The following ZFHX3 variants were observed in gnomAD, a reference collection of about 807,000 sequenced individuals.
ZFHX3 encodes zinc finger homeobox protein 3.
In ZFHX3, 42 loss-of-function variants were observed where a neutral mutation model predicts 279.1. The observed-to-expected ratio is 0.15, with a 90% CI of 0.12 to 0.19. ZFHX3 has a LOEUF of 0.19. Among genes scored for constraint, ZFHX3 ranks in the 10% least tolerant of loss-of-function variants. The pLI is 1.00. For synonymous variants in ZFHX3, 2,293 were observed against 1,957.8 expected (o/e 1.17, Z -4.52); for missense variants, 4,981 against 4,754.0 (o/e 1.05, Z -1.40).
At chr16:73,478,364 T>C (rs569187252) in intron 2 of ZFHX3, among the ~76,000 whole-genome samples, 9 of 152,112 alleles carry the variant, frequency 5.9e-5, no homozygotes, top group South Asian at 2.1e-4. Flanking sequence ...AAAAGTCTGA[T>C]GCTCTACCAA....
chr16:73,694,220 G>T (rs2053174665), intron 1 of ZFHX3, among the ~76,000 whole-genome samples: 1 of 152,108 alleles, frequency 6.6e-6, no homozygotes, highest in African/African-American at 2.4e-5. Context: ...CTACTGGGGA[G>T]GCTGAGGCAG....
chr16:73,476,017 G>A (rs74028671), intron 2 of ZFHX3, among the ~76,000 whole-genome samples: 144 of 152,198 alleles, frequency 9.5e-4, no homozygotes, highest in African/African-American at 3.1e-3. Context: ...AAAAGAAATC[G>A]TAATTTTGAA....
chr16:73,474,201 G>A (rs2018724888), intron 2 of ZFHX3, among the ~76,000 whole-genome samples: 1 of 152,058 alleles, frequency 6.6e-6, no homozygotes, highest in Non-Finnish European at 1.5e-5. Flanking sequence ...AGGCTGGAGT[G>A]CAGTGGCATG....
In ZFHX3 at chr16:73,536,017, C is replaced by T. The variant is rs537137960; in HGVS notation, c.-1546-79759G>A. 1.2e-4 allele frequency among the ~76,000 whole-genome samples: 18 copies of T among 152,208 alleles called. No homozygotes were observed. The East Asian group carries it at 1.5e-3, about 13-fold the overall frequency. ...GATTACAGGTGTGAGCCACCGCTCT[C>T]GGCCAAGCCCCCCATCTTTAATACA... is the stretch of plus-strand genomic sequence containing the variant. On this transcript the variant is annotated intron_variant, in intron 2 of 17. Coordinates refer to the ZFHX3 transcript ENST00000641206.
chr16:73,031,724 C>T (rs1964708279), intron 1 of ZFHX3, among the ~76,000 whole-genome samples: 1 of 152,140 alleles, frequency 6.6e-6, no homozygotes, highest in Non-Finnish European at 1.5e-5. Context: ...AACCAGAACG[C>T]GGGCGTGCAG....
At chr16:73,749,339 C>T (rs1401482916) in intron 1 of ZFHX3, among the ~76,000 whole-genome samples, 1 of 148,826 alleles carries the variant, frequency 6.7e-6, no homozygotes, top group African/African-American at 2.6e-5. Flanking sequence ...CCACCAGCAA[C>T]AGCACCACCA....
Position 73,097,231 on chromosome 16 carries a change from ATTTTT to A in ZFHX3, c.-896-3638_-896-3634del, listed in dbSNP as rs376018253. Among the ~76,000 whole-genome samples, 195 of 126,698 alleles carry A rather than the reference ATTTTT, an allele frequency of 1.5e-3. 1 individual carries two copies. The highest frequency in any genetic ancestry group is 5.7e-3 in the African/African-American group (180 of 31,774). The allele number at this position is 126,698 out of a possible 152,430, so 83.1% of individuals were successfully genotyped here. ...TCCTCACCACACCCAGCTAATTTTA[ATTTTT>A]TTTTTTTTTTTTTGTAGAGACAGGA... On this transcript the variant is annotated intron_variant, in intron 7 of 17. Transcript: ENST00000641206.
rs1597236442 is a variant in ZFHX3 at position 72,794,411 on chromosome 16, T to C, written c.8271A>G (p.Gly2757=). 1 of 1,609,718 alleles carries C rather than the reference T, an allele frequency of 6.2e-7. No homozygotes were observed. Among genetic ancestry groups the C allele is most frequent in the Non-Finnish European group, 8.5e-7 (1 of 1,177,484 alleles). The change falls in exon 9 of 10, where the codon GGA becomes GGG. Residue 2757 remains glycine, a synonymous_variant. Transcript: ENST00000268489. This position sits in a 1 kb window ranked among gnomAD's most constrained non-coding sequence, Gnocchi z 4.2. ...LSAMLLDCDG[G]LQMKGDIFDG... Reference sequence around the variant, plus strand: ...CAAAAATATCTCCTTTCATCTGGAGTCCCCCATCACAGTCTAAGAGCATCG... The same window carrying C: ...CAAAAATATCTCCTTTCATCTGGAGCCCCCCATCACAGTCTAAGAGCATCG...
At chr16:72,990,591 C>T in intron 1 of ZFHX3, among the ~76,000 whole-genome samples, 1 of 152,136 alleles carries the variant, frequency 6.6e-6, no homozygotes, top group Non-Finnish European at 1.5e-5. Context: ...AGCTGAGCAC[C>T]CTCTTCTTTC....
At chr16:73,849,787 C>G (rs540883318) in intron 1 of ZFHX3, among the ~76,000 whole-genome samples, 2 of 152,220 alleles carry the variant, frequency 1.3e-5, no homozygotes, top group African/African-American at 4.8e-5. Flanking sequence ...GGCTAGAGTA[C>G]GATGGCGTGA....
intron 2 of ZFHX3, among the ~76,000 whole-genome samples, chr16:73,662,436 A>C (rs1336605235): frequency 6.6e-6 from 1 of 152,186 alleles, no homozygotes; most frequent in Non-Finnish European, 1.5e-5. Flanking sequence ...ATGCACGTAT[A>C]TACATAACAT....
intron 8 of ZFHX3, among the ~76,000 whole-genome samples, chr16:73,076,271 G>A (rs540704095): frequency 1.3e-5 from 2 of 152,316 alleles, no homozygotes; most frequent in South Asian, 2.1e-4. Flanking sequence ...AGTATTGCAT[G>A]AACTAGAGGA....
intron 4 of ZFHX3, among the ~76,000 whole-genome samples, chr16:72,880,509 G>A (rs1285730556): frequency 6.6e-6 from 1 of 152,136 alleles, no homozygotes; most frequent in Non-Finnish European, 1.5e-5. Context: ...AGCCAAAACT[G>A]CCGGCACCTG....
At chr16:73,507,999 C>T (rs567911047) in intron 2 of ZFHX3, among the ~76,000 whole-genome samples, 3 of 152,332 alleles carry the variant, frequency 2.0e-5, no homozygotes, top group Non-Finnish European at 4.4e-5. Flanking sequence ...GTGTGATCCT[C>T]TTGAAAATGC....
intron 4 of ZFHX3, among the ~76,000 whole-genome samples, chr16:72,872,795 CACCT>C (rs759178357): frequency 5.3e-5 from 8 of 152,128 alleles, no homozygotes; most frequent in Non-Finnish European, 1.2e-4. Flanking sequence ...TATTCACACT[CACCT>C]ACACGCCTTT....
At chr16:72,829,519 T>A (rs187502654) in intron 5 of ZFHX3, 12 of 459,816 alleles carry the variant, frequency 2.6e-5, no homozygotes, top group Middle Eastern at 5.9e-4. Context: ...ACCTGGATAC[T>A]CAATAAGCAA....
intron 1 of ZFHX3, among the ~76,000 whole-genome samples, chr16:72,987,965 T>C (rs1962917677): frequency 1.3e-5 from 2 of 152,212 alleles, no homozygotes; most frequent in African/African-American, 4.8e-5. Flanking sequence ...AACACCTCCC[T>C]GGATTTGATA....
intron 5 of ZFHX3, among the ~76,000 whole-genome samples, chr16:73,194,919 T>C (rs1968112037): frequency 6.6e-6 from 1 of 152,222 alleles, no homozygotes; most frequent in Admixed American, 6.5e-5. Flanking sequence ...TTAAGTATGG[T>C]GTTTATAGGC....
chr16:73,224,812 T>G (rs73597348), intron 5 of ZFHX3, among the ~76,000 whole-genome samples: 2,132 of 152,194 alleles, frequency 0.014, 43 homozygotes, highest in African/African-American at 0.047. Flanking sequence ...GAAAGTTGCT[T>G]GACGTGAACA....
Sources: allele counts gnomAD v4.1 joint callset (sites outside exome capture counted in the v4.1 genomes callset), GRCh38; gene constraint gnomAD v4.1.1; non-coding constraint Gnocchi (gnomAD v3.1); transcripts MANE v1.5; gene names NCBI Gene and HGNC (gene_info 2026-07-23, HGNC 2026-07-21).